The following ZNF236 variants were observed in gnomAD, a reference collection of about 807,000 sequenced individuals.
The protein encoded by ZNF236 is regulated by glucose.
Under a neutral mutation model 191.2 loss-of-function variants are expected in ZNF236, and 50 were observed. The observed-to-expected ratio is 0.26, with a 90% CI of 0.21 to 0.33. The LOEUF (loss-of-function observed/expected upper bound fraction) is 0.33, where lower values mean the gene tolerates loss of function less well. Among genes scored for constraint, ZNF236 ranks in the 10% least tolerant of loss-of-function variants. ZNF236 has a pLI of 1.00. For missense variants in ZNF236, 1,754 were observed against 2,374.5 expected (o/e 0.74, Z 5.43); for synonymous variants, 907 against 928.8 (o/e 0.98, Z 0.43).
rs1976875378 is a variant in ZNF236 at position 76,880,941 on chromosome 18, CAG to C, written c.1189-342_1189-341del. Among the ~76,000 whole-genome samples, 1 of 152,126 alleles carries C rather than the reference CAG, an allele frequency of 6.6e-6. No individual in the cohort carries two copies. Among genetic ancestry groups the C allele is most frequent in the African/African-American group, 2.4e-5 (1 of 41,418 alleles). On this transcript the variant is annotated intron_variant, in intron 8 of 30. Coordinates refer to ENST00000320610, the MANE Select transcript of ZNF236 (RefSeq NM_001306089.2). The surrounding 1 kb of genome is among the most constrained non-coding windows in gnomAD (Gnocchi z 5.0). ...ACAGCCGATACCTGAAAGTTAAACC[CAG>C]TGTAACTCAAAAGCCTTAAAATAGG... is the stretch of plus-strand genomic sequence containing the variant.
Position 76,960,322 on chromosome 18 carries a change from T to C in ZNF236, c.5243-357T>C, listed in dbSNP as rs993314806. On this transcript the variant is annotated intron_variant, in intron 29 of 30. Transcript: ENST00000320610. The surrounding 1 kb of genome is among the most constrained non-coding windows in gnomAD (Gnocchi z 4.4). ...TCTTCTGCCTCTTGACTGTACATGA[T>C]AGCTCGTGTCAGCCCTTCCGTCTCC... 6.6e-6 allele frequency among the ~76,000 whole-genome samples: 1 copy of C among 152,214 alleles called. No homozygotes were observed. The highest frequency in any genetic ancestry group is 1.5e-5 in the Non-Finnish European group (1 of 68,040).
chr18:76,866,194 A>T (rs1976398284), intron 3 of ZNF236, among the ~76,000 whole-genome samples: 1 of 152,230 alleles, frequency 6.6e-6, no homozygotes, highest in Non-Finnish European at 1.5e-5. Flanking sequence ...CAACACAAAC[A>T]ACTTTCCCAC....
At chr18:76,868,932 G>A (rs1320700065) in intron 4 of ZNF236, 69 bp downstream of exon 4, 42 of 1,435,374 alleles carry the variant, frequency 2.9e-5, no homozygotes, top group Non-Finnish European at 3.8e-5. Context: ...ACTTTGGTAC[G>A]ACCCACTGGA....
Position 76,847,764 on chromosome 18 carries a change from C to T in ZNF236, c.56-1762C>T, listed in dbSNP as rs529661203. On this transcript the variant is annotated intron_variant, in intron 1 of 30. Coordinates refer to ENST00000320610, the MANE Select transcript of ZNF236 (RefSeq NM_001306089.2). ...GTGCTGGGACTACAGGCGTGAGCCCCTCCGCCCGGCCCCAGCAATCATTTG... is the reference window on the plus strand; with the variant it reads ...GTGCTGGGACTACAGGCGTGAGCCCTTCCGCCCGGCCCCAGCAATCATTTG... Among the ~76,000 whole-genome samples the T allele has an allele frequency of 9.8e-5, 15 of 152,374 alleles. No homozygotes were observed. The Middle Eastern group carries it at 0.01, about 104-fold the overall frequency.
Position 76,867,349 on chromosome 18 carries a change from A to G in ZNF236, c.364-1336A>G, listed in dbSNP as rs1324815485. On this transcript the variant is annotated intron_variant, in intron 3 of 30. Coordinates refer to ENST00000320610, the MANE Select transcript of ZNF236 (RefSeq NM_001306089.2). The stretch of plus-strand genomic sequence containing the variant: ...TAGTAGTTTATTATTTCCTTAAATT[A>G]TTATACAATAATACTACTTTAAAGT... 2.0e-5 allele frequency among the ~76,000 whole-genome samples: 3 copies of G among 151,644 alleles called. No individual in the cohort carries two copies. The East Asian group carries it at 5.8e-4, about 29-fold the overall frequency.
At chr18:76,965,381 T>G (rs1018132015) in intron 30 of ZNF236, among the ~76,000 whole-genome samples, 1 of 152,240 alleles carries the variant, frequency 6.6e-6, no homozygotes, top group Non-Finnish European at 1.5e-5. Flanking sequence ...GAATTCTTTT[T>G]CAGGTAAATC....
chr18:76,834,920 A>G (rs1975277605), intron 1 of ZNF236: 1 of 244,856 alleles, frequency 4.1e-6, no homozygotes, highest in African/African-American at 2.3e-5. Context: ...GATGGTCACA[A>G]AAGGGAAGAG....
At position 76,915,752 on chromosome 18, in the gene ZNF236, C is replaced by T. The variant is rs777654418; in HGVS notation, c.3167C>T (p.Pro1056Leu). 2.2e-5 allele frequency: 35 copies of T among 1,613,918 alleles called. No homozygotes were observed. Among genetic ancestry groups the T allele is most frequent in the Admixed American group, 5.0e-5 (3 of 59,976 alleles). Residue 1056 changes from proline (P) to leucine (L), a missense_variant, in exon 19 of 31, where the codon CCG becomes CTG. This residue lies in a region of ZNF236 where 641 missense variants were observed against 869.6 expected (regional missense o/e 0.74). Transcript: ENST00000320610. ...ATGAGCATGAAGCCTTATAAGTGTCCGTTTTGTGAGGAGGGTTTCCGAACT... is the reference window on the plus strand; with the variant it reads ...ATGAGCATGAAGCCTTATAAGTGTCTGTTTTGTGAGGAGGGTTTCCGAACT... ...THMSMKPYKC[P>L]FCEEGFRTTV...
At chr18:76,886,718 C>T (rs557561423) in intron 9 of ZNF236, 202 of 154,384 alleles carry the variant, frequency 1.3e-3, no homozygotes, top group Non-Finnish European at 2.0e-3. Context: ...TCGTTACTCT[C>T]GTTTTCAAAG....
chr18:76,834,933 C>T (rs1975277820), intron 1 of ZNF236: 1 of 215,230 alleles, frequency 4.6e-6, no homozygotes. Flanking sequence ...GGGAAGAGAA[C>T]TACATATACG....
chr18:76,858,990 G>A (rs1976129576), intron 3 of ZNF236, among the ~76,000 whole-genome samples: 1 of 40,882 alleles, frequency 2.4e-5, no homozygotes. Flanking sequence ...AGGTGGAGGC[G>A]GGTGCAGGTG....
Position 76,972,237 on chromosome 18 carries a change from T to A in ZNF236, c.*3898T>A, listed in dbSNP as rs1201282596. ...CGCCAAAGGCCACTGAGCTGGCATC[T>A]TCTTCATTGTGGAGAAAGTGGGAAC... On this transcript the variant is annotated 3_prime_UTR_variant, in exon 31 of 31. Coordinates refer to ENST00000320610, the MANE Select transcript of ZNF236 (RefSeq NM_001306089.2). Among the ~76,000 whole-genome samples the A allele has an allele frequency of 6.6e-6, 1 of 152,264 alleles. No individual in the cohort carries two copies. Among genetic ancestry groups the A allele is most frequent in the South Asian group, 2.1e-4 (1 of 4,832 alleles).
chr18:76,842,490 A>G (rs1975538742), intron 1 of ZNF236, among the ~76,000 whole-genome samples: 1 of 149,686 alleles, frequency 6.7e-6, no homozygotes, highest in African/African-American at 2.5e-5. Context: ...GATGGCTGAC[A>G]CCTGTAATCC....
intron 1 of ZNF236, among the ~76,000 whole-genome samples, chr18:76,837,339 T>C (rs1975363822): frequency 6.6e-6 from 1 of 152,032 alleles, no homozygotes; most frequent in Admixed American, 6.5e-5. Context: ...TCTAGGAGAT[T>C]TATAGTTTTA....
rs1028201946 is a variant in ZNF236, at chr18:76,972,346, C to T, written c.*4007C>T. ...CATGGTGTGGCTTGCCACAACATGT[C>T]CTGTTTGGTGGCTGGCCCTCTCCGA... On this transcript the variant is annotated 3_prime_UTR_variant, in exon 31 of 31. Transcript: ENST00000320610. 1.3e-5 allele frequency among the ~76,000 whole-genome samples: 2 copies of T among 152,136 alleles called. No homozygotes were observed. The highest frequency in any genetic ancestry group is 2.4e-5 in the African/African-American group (1 of 41,416).
chr18:76,941,843 G>T (rs1968141718), intron 26 of ZNF236, among the ~76,000 whole-genome samples: 1 of 152,142 alleles, frequency 6.6e-6, no homozygotes. Context: ...AAATTGTGTA[G>T]CTTTATTTGA....
intron 9 of ZNF236, among the ~76,000 whole-genome samples, chr18:76,893,550 C>T (rs1977310743): frequency 6.6e-6 from 1 of 152,090 alleles, no homozygotes; most frequent in African/African-American, 2.4e-5. Flanking sequence ...CTCTGTCGCC[C>T]AGGCTGGAGT....
Position 76,960,866 on chromosome 18 carries a change from T to C in ZNF236, c.5419+11T>C, listed in dbSNP as rs771696858. ...CGCACAGCTATGCTGGTGAGAATGCTGCACCCGGGAGTGCGTGCTGTTCGG... is the reference window on the plus strand; with the variant it reads ...CGCACAGCTATGCTGGTGAGAATGCCGCACCCGGGAGTGCGTGCTGTTCGG... On this transcript the variant is annotated intron_variant, in intron 30 of 30. Transcript: ENST00000320610. The surrounding 1 kb of genome is among the most constrained non-coding windows in gnomAD (Gnocchi z 4.4). 2 of 1,606,038 alleles carry C rather than the reference T, an allele frequency of 1.2e-6. No individual in the cohort carries two copies. The highest frequency in any genetic ancestry group is 2.2e-5 in the East Asian group (1 of 44,680).
chr18:76,869,379 A>G (rs79346792), intron 4 of ZNF236, among the ~76,000 whole-genome samples: 3,221 of 152,342 alleles, frequency 0.021, 47 homozygotes, highest in Non-Finnish European at 0.029. Context: ...TTTGTAGCTT[A>G]TAAGTCAGGA....
Sources: gnomAD v4.1 joint callset for allele counts (sites outside exome capture counted in the v4.1 genomes callset) on GRCh38, gnomAD v4.1.1 for gene constraint, gnomAD v4.1.1 regional missense constraint, Gnocchi (gnomAD v3.1) non-coding constraint, MANE v1.5 for transcripts, NCBI Gene and HGNC (gene_info 2026-07-23, HGNC 2026-07-21) for gene names.